PID1: variants seen among roughly 807,000 people sequenced by gnomAD.
PID1 encodes the protein PTB-containing, cubilin and LRP1-interacting protein.
PID1 carries 10 observed loss-of-function variants against 19.1 expected under a neutral mutation model. That is an observed-to-expected ratio of 0.52 (90% CI 0.32 to 0.89). The LOEUF is 0.89. Ranked by LOEUF, PID1 falls within the 40% of genes least tolerant of loss-of-function variation. PID1 has a pLI of 0.03. For missense variants in PID1, 248 were observed against 285.3 expected, an observed-to-expected ratio of 0.87 and a Z score of 0.94; for synonymous variants, 130 against 116.0, an observed-to-expected ratio of 1.12 and a Z score of -0.78.
At chr2:229,228,427 T>C (rs986369989) in intron 1 of PID1, among the ~76,000 whole-genome samples, 8 of 152,208 alleles carry the variant, frequency 5.3e-5, no homozygotes, top group Admixed American at 2.6e-4. Flanking sequence ...TTTAAGCAGA[T>C]AACATAATCA....
intron 2 of PID1, among the ~76,000 whole-genome samples, chr2:229,049,482 G>T (rs776579529): frequency 6.6e-6 from 1 of 152,130 alleles, no homozygotes; most frequent in African/African-American, 2.4e-5. Context: ...GTGGGTAGCT[G>T]AATTTATTTG....
intron 1 of PID1, among the ~76,000 whole-genome samples, chr2:229,260,459 G>T (rs1690428124): frequency 1.8e-5 from 2 of 113,292 alleles, no homozygotes; most frequent in Non-Finnish European, 3.8e-5. Context: ...TTTTTAAAAA[G>T]TTGCATATAT....
At chr2:229,243,380 G>A (rs554258892) in intron 1 of PID1, among the ~76,000 whole-genome samples, 15 of 152,162 alleles carry the variant, frequency 9.9e-5, no homozygotes, top group Non-Finnish European at 1.3e-4. Flanking sequence ...AGGTTACATC[G>A]TCTTCTTTGT....
intron 2 of PID1, among the ~76,000 whole-genome samples, chr2:229,050,973 T>C (rs769856055): frequency 2.0e-5 from 3 of 152,142 alleles, no homozygotes; most frequent in Admixed American, 6.5e-5. Flanking sequence ...ATGCATACAA[T>C]GAAAGAGAAA....
intron 2 of PID1, among the ~76,000 whole-genome samples, chr2:229,068,752 C>T (rs1694385361): frequency 6.6e-6 from 1 of 152,188 alleles, no homozygotes; most frequent in African/African-American, 2.4e-5. Context: ...ATCCAATTTT[C>T]TCCTCACAAC....
rs144918602 is a variant in PID1 at position 229,031,348 on chromosome 2, A to T, written c.178-5240T>A. Among the ~76,000 whole-genome samples, 1,431 of 152,178 alleles carry T rather than the reference A, an allele frequency of 9.4e-3. 35 individuals carry two copies. The highest frequency in any genetic ancestry group is 0.032 in the African/African-American group (1,342 of 41,516). ...CAAAGTGGGTGGATCACTTGAGGTC[A>T]GGAGTTCAAGACCAGCCTGGCCAAC... On this transcript the variant is annotated intron_variant, in intron 2 of 2. Coordinates refer to ENST00000392055, the MANE Select transcript of PID1 (RefSeq NM_001100818.2).
chr2:229,237,286 C>T (rs1226992), intron 1 of PID1, among the ~76,000 whole-genome samples: 144,713 of 152,254 alleles, frequency 0.95, 69,193 homozygotes, highest in East Asian at 1. Flanking sequence ...TGTTGTAGAA[C>T]GAGGCAGTCA....
intron 1 of PID1, among the ~76,000 whole-genome samples, chr2:229,261,869 A>G (rs1049648346): frequency 1.7e-4 from 26 of 150,930 alleles, no homozygotes; most frequent in African/African-American, 6.3e-4. Flanking sequence ...AGCTTGCCCA[A>G]GAAAATAAGT....
Position 229,125,969 on chromosome 2 carries a change from C to T in PID1, c.177+29849G>A, listed in dbSNP as rs574104580. 1.1e-4 allele frequency among the ~76,000 whole-genome samples: 17 copies of T among 152,216 alleles called. No homozygotes were observed. In the South Asian group the frequency reaches 3.1e-3, roughly 28 times the overall value. On this transcript the variant is annotated intron_variant, in intron 2 of 2. Transcript: ENST00000392055. ...CTATGGATTGTACATTCCTCAGGTG[C>T]TACTTAGAGAGCAATAGAGGATAAT...
intron 2 of PID1, among the ~76,000 whole-genome samples, chr2:229,093,567 G>T (rs1694917008): frequency 6.6e-6 from 1 of 152,172 alleles, no homozygotes; most frequent in African/African-American, 2.4e-5. Context: ...GCAGATCTTG[G>T]TTGAGCTTAT....
chr2:229,266,592 T>C (rs1419637175), intron 1 of PID1, among the ~76,000 whole-genome samples: 7 of 152,206 alleles, frequency 4.6e-5, no homozygotes, highest in Non-Finnish European at 1.0e-4. Flanking sequence ...TGTGCCTGTC[T>C]TATCCTTCTG....
intron 1 of PID1, among the ~76,000 whole-genome samples, chr2:229,200,842 G>C (rs1314570019): frequency 6.6e-6 from 1 of 152,056 alleles, no homozygotes; most frequent in Non-Finnish European, 1.5e-5. Flanking sequence ...AAATGAGCAG[G>C]TCACAAAGGG....
At chr2:229,039,060 C>T (rs774970833) in intron 2 of PID1, among the ~76,000 whole-genome samples, 1 of 152,258 alleles carries the variant, frequency 6.6e-6, no homozygotes, top group Non-Finnish European at 1.5e-5. Context: ...CCACTGTATA[C>T]AGTATTAGGT....
In PID1 at chr2:229,024,396, C is replaced by G. The variant is rs1233031200; in HGVS notation, c.*1236G>C. 6.6e-6 allele frequency: 1 copy of G among 152,406 alleles called. No homozygotes were observed. Among genetic ancestry groups the G allele is most frequent in the African/African-American group, 2.4e-5 (1 of 41,392 alleles). The allele number at this position is 152,406 out of a possible 1,614,324, so 9.4% of individuals were successfully genotyped here. ...AATACAATTTCATTCTATGTTGACT[C>G]TGTGTTTATAATATTTAAAGAACCA... On this transcript the variant is annotated 3_prime_UTR_variant, in exon 3 of 3. Coordinates refer to ENST00000392055, the MANE Select transcript of PID1 (RefSeq NM_001100818.2).
intron 2 of PID1, among the ~76,000 whole-genome samples, chr2:229,028,707 C>T (rs78834150): frequency 0.16 from 24,052 of 152,158 alleles, 2,063 homozygotes; most frequent in Non-Finnish European, 0.2. Flanking sequence ...AAATCACGTC[C>T]TTTGCGACAA....
Position 229,236,977 on chromosome 2 carries a change from T to TACACAC in PID1, c.30+34031_30+34036dup, listed in dbSNP as rs773134027. On this transcript the variant is annotated intron_variant, in intron 1 of 2. Coordinates refer to ENST00000392055, the MANE Select transcript of PID1 (RefSeq NM_001100818.2). ...AAGCCTAGCATGCGGCCTTCTCCTT[T>TACACAC]ACACACACATACACACACACACACA... Among the ~76,000 whole-genome samples the TACACAC allele has an allele frequency of 1.4e-4, 8 of 56,660 alleles. 1 individual carries two copies. Among genetic ancestry groups the TACACAC allele is most frequent in the African/African-American group, 3.6e-4 (7 of 19,330 alleles). The allele number at this position is 56,660 out of a possible 152,430, so 37.2% of individuals were successfully genotyped here.
At chr2:229,178,371 A>G (rs1690870194) in intron 1 of PID1, among the ~76,000 whole-genome samples, 1 of 152,174 alleles carries the variant, frequency 6.6e-6, no homozygotes, top group Admixed American at 6.5e-5. Context: ...GCAGTTGTCT[A>G]ACAAAAACCT....
In PID1 at chr2:229,184,087, ATATATCCCATATG is replaced by A. The variant is rs1387021128; in HGVS notation, c.31-28136_31-28124del. Among the ~76,000 whole-genome samples, 178 of 23,204 alleles carry A rather than the reference ATATATCCCATATG, an allele frequency of 7.7e-3. 47 individuals are homozygous for A. The highest frequency in any genetic ancestry group is 0.012 in the South Asian group (17 of 1,366). 15.2% of individuals were successfully genotyped at this position (23,204 alleles called of 152,430 possible). ...TATATCCCATATGTATATCCCATAT[ATATATCCCATATG>A]TATATCCCATATGTATATCCCATAT... On this transcript the variant is annotated intron_variant, in intron 1 of 2. Coordinates refer to ENST00000392055, the MANE Select transcript of PID1 (RefSeq NM_001100818.2).
chr2:229,262,610 T>C (rs1690488552), intron 1 of PID1: 1 of 1,511,940 alleles, frequency 6.6e-7, no homozygotes, highest in South Asian at 1.3e-5. Context: ...ACTGGTGTAG[T>C]AGCTACCTAG....
Sources: allele counts gnomAD v4.1 joint callset (sites outside exome capture counted in the v4.1 genomes callset), GRCh38; gene constraint gnomAD v4.1.1; transcripts MANE v1.5; gene names NCBI Gene and HGNC (gene_info 2026-07-23, HGNC 2026-07-21).